The following NCKAP5 variants were observed in gnomAD, a reference collection of about 807,000 sequenced individuals.
NCKAP5 encodes nck-associated protein 5.
NCKAP5 carries 92 observed loss-of-function variants against 167.0 expected under a neutral mutation model. The ratio of observed to expected loss-of-function variants is 0.55; its 90% CI spans 0.47 to 0.66. The LOEUF is 0.66. Ranked by LOEUF, NCKAP5 falls within the 30% of genes least tolerant of loss-of-function variation. The pLI, the probability that NCKAP5 is intolerant of heterozygous loss-of-function variation, is 0.00. For synonymous variants in NCKAP5, 891 were observed against 877.4 expected (o/e 1.02, Z -0.27); for missense variants, 2,378 against 2,315.0 (o/e 1.03, Z -0.56).
At chr2:132,933,386 C>A (rs952644848) in intron 8 of NCKAP5, among the ~76,000 whole-genome samples, 9 of 152,132 alleles carry the variant, frequency 5.9e-5, no homozygotes, top group Non-Finnish European at 1.2e-4. Flanking sequence ...TAGTTCCTAG[C>A]ACGGTGTCTA....
chr2:133,189,953 G>C (rs1284448848), intron 5 of NCKAP5, among the ~76,000 whole-genome samples: 2 of 152,064 alleles, frequency 1.3e-5, no homozygotes, highest in African/African-American at 4.8e-5. Flanking sequence ...GAAATAAAGG[G>C]TATTCAATTA....
intron 3 of NCKAP5, among the ~76,000 whole-genome samples, chr2:133,503,705 A>G (rs560292034): frequency 6.9e-4 from 105 of 152,340 alleles, no homozygotes; most frequent in African/African-American, 2.4e-3. Flanking sequence ...AGGAGGAACC[A>G]TCTTCCTGCT....
the NCKAP5 span, among the ~76,000 whole-genome samples, chr2:133,588,079 AGTGT>A: frequency 1.3e-5 from 2 of 152,188 alleles, no homozygotes; most frequent in African/African-American, 2.4e-5. Flanking sequence ...CCATGTCATA[AGTGT>A]GTGTATGTCT....
intron 6 of NCKAP5, among the ~76,000 whole-genome samples, chr2:133,121,508 A>G (rs1388568583): frequency 6.6e-6 from 1 of 152,178 alleles, no homozygotes; most frequent in African/African-American, 2.4e-5. Context: ...TTACAAAGCC[A>G]TTCACCTTAG....
chr2:132,756,548 G>C (rs903909308), intron 16 of NCKAP5, among the ~76,000 whole-genome samples: 6 of 151,972 alleles, frequency 3.9e-5, no homozygotes, highest in African/African-American at 1.5e-4. Context: ...CTCTCCAACA[G>C]TTTTAAATCT....
chr2:133,582,076 G>A, the NCKAP5 span, among the ~76,000 whole-genome samples: 1 of 152,130 alleles, frequency 6.6e-6, no homozygotes, highest in Non-Finnish European at 1.5e-5. Flanking sequence ...AATATCAATG[G>A]CCTCCTACTG....
intron 3 of NCKAP5, among the ~76,000 whole-genome samples, chr2:133,447,104 G>T (rs1574971028): frequency 6.6e-6 from 1 of 152,264 alleles, no homozygotes; most frequent in East Asian, 1.9e-4. Context: ...TGCGTAAAAG[G>T]TATGGCTTCA....
At chr2:133,438,930 G>T (rs993195488) in intron 3 of NCKAP5, among the ~76,000 whole-genome samples, 1 of 152,140 alleles carries the variant, frequency 6.6e-6, no homozygotes, top group African/African-American at 2.4e-5. Flanking sequence ...CTGAGAAGTT[G>T]GTGGATCAAC....
intron 4 of NCKAP5, among the ~76,000 whole-genome samples, chr2:133,295,940 A>G (rs1231915459): frequency 6.6e-6 from 1 of 152,160 alleles, no homozygotes; most frequent in African/African-American, 2.4e-5. Context: ...ACTGTCACCA[A>G]TTTGACTTAT....
At chr2:132,831,257 A>C (rs2105367078) in intron 11 of NCKAP5, among the ~76,000 whole-genome samples, 1 of 152,318 alleles carries the variant, frequency 6.6e-6, no homozygotes, top group East Asian at 1.9e-4. Flanking sequence ...TGGGGCAATA[A>C]CCATTCTAAA....
intron 5 of NCKAP5, among the ~76,000 whole-genome samples, chr2:133,180,978 TA>T (rs1400991101): frequency 6.6e-6 from 1 of 151,858 alleles, no homozygotes; most frequent in Non-Finnish European, 1.5e-5. Context: ...TAAAAATAAA[TA>T]AAAACCTATG....
At chr2:133,414,334 G>A (rs917446105) in intron 3 of NCKAP5, among the ~76,000 whole-genome samples, 4 of 152,072 alleles carry the variant, frequency 2.6e-5, no homozygotes, top group East Asian at 3.9e-4. Flanking sequence ...CTGTCTTTTC[G>A]TTTTCTGAGG....
chr2:133,050,234 T>G (rs556161199), intron 6 of NCKAP5, among the ~76,000 whole-genome samples: 1 of 152,242 alleles, frequency 6.6e-6, no homozygotes, highest in Non-Finnish European at 1.5e-5. Flanking sequence ...ATAGTCTTAG[T>G]TACAAAACCA....
Position 133,513,998 on chromosome 2 carries a change from A to C in NCKAP5, c.69+3460T>G, listed in dbSNP as rs535526931. 1.2e-4 allele frequency among the ~76,000 whole-genome samples: 19 copies of C among 152,338 alleles called. No homozygotes were observed. In the South Asian group the frequency reaches 2.1e-3, roughly 17 times the overall value. On this transcript the variant is annotated intron_variant, in intron 3 of 19. Coordinates refer to ENST00000409261, the MANE Select transcript of NCKAP5 (RefSeq NM_207363.3). The stretch of plus-strand genomic sequence containing the variant: ...ATGAGTCTTGCAAATAAAAGAGCAC[A>C]GTGTGAAATGATGACTTTTTCTGAT...
chr2:132,707,780 G>A (rs377690117), intron 19 of NCKAP5, among the ~76,000 whole-genome samples: 9 of 152,266 alleles, frequency 5.9e-5, no homozygotes, highest in South Asian at 4.1e-4. Context: ...ATAGCTTTGC[G>A]AGGGACTGTG....
intron 3 of NCKAP5, among the ~76,000 whole-genome samples, chr2:133,455,056 C>T (rs896782530): frequency 2.0e-5 from 3 of 152,002 alleles, no homozygotes; most frequent in African/African-American, 4.8e-5. Context: ...TGTTAAAATG[C>T]TAGATGAAAC....
chr2:133,338,549 C>A, intron 3 of NCKAP5, among the ~76,000 whole-genome samples: 1 of 152,266 alleles, frequency 6.6e-6, no homozygotes, highest in East Asian at 1.9e-4. Context: ...GTATCAGGTT[C>A]TTTTTTGGTA....
At chr2:133,501,820 C>G (rs1682543937) in intron 3 of NCKAP5, among the ~76,000 whole-genome samples, 1 of 152,174 alleles carries the variant, frequency 6.6e-6, no homozygotes. Flanking sequence ...AGTGAGAAAC[C>G]TTACTCTATT....
the NCKAP5 span, among the ~76,000 whole-genome samples, chr2:133,583,831 G>A: frequency 6.6e-6 from 1 of 152,050 alleles, no homozygotes; most frequent in African/African-American, 2.4e-5. Context: ...TCAGCTCACT[G>A]CAAGCTCTGC....
Sources: allele counts gnomAD v4.1 joint callset (sites outside exome capture counted in the v4.1 genomes callset), GRCh38; gene constraint gnomAD v4.1.1; transcripts MANE v1.5; gene names NCBI Gene and HGNC (gene_info 2026-07-23, HGNC 2026-07-21).